NHS: variants seen among roughly 807,000 people sequenced by gnomAD.
NHS encodes the protein NHS actin remodeling regulator.
NHS carries 5 observed loss-of-function variants against 72.5 expected under a neutral mutation model. The ratio of observed to expected loss-of-function variants is 0.07; its 90% CI spans 0.04 to 0.14. The LOEUF is 0.14. Ranked by LOEUF, NHS falls within the 10% of genes least tolerant of loss-of-function variation. The pLI is 1.00. For synonymous variants in NHS, 464 were observed against 547.7 expected, an observed-to-expected ratio of 0.85 and a Z score of 2.13; for missense variants, 1,072 against 1,355.7, an observed-to-expected ratio of 0.79 and a Z score of 3.29.
At chrX:17,576,905 A>G (rs1327674901) in intron 1 of NHS, among the ~76,000 whole-genome samples, 1 of 112,007 alleles carries the variant, frequency 8.9e-6, no homozygotes, top group African/African-American at 3.2e-5. Flanking sequence ...TCTTCAAAGA[A>G]AACAAATAGT....
Position 17,430,447 on chromosome X carries a change from CTT to C in NHS, c.565+54127_565+54128del, listed in dbSNP as rs1332053536. On this transcript the variant is annotated intron_variant, in intron 1 of 8. Coordinates refer to ENST00000676302, the MANE Select transcript of NHS (RefSeq NM_001291867.2). ...TTCCTTCCTTTCTTTCTCTCTCTCT[CTT>C]TCTTTCCTTATTTATTGGGTGCTAA... Among the ~76,000 whole-genome samples, 42 of 94,556 alleles carry C rather than the reference CTT, an allele frequency of 4.4e-4. 1 individual carries two copies. Among genetic ancestry groups the C allele is most frequent in the Non-Finnish European group, 1.0e-4 (5 of 48,066 alleles). The allele number at this position is 94,556 out of a possible 115,157, so 82.1% of individuals were successfully genotyped here.
intron 1 of NHS, among the ~76,000 whole-genome samples, chrX:17,409,723 C>A (rs2064548096): frequency 9.0e-6 from 1 of 111,591 alleles, no homozygotes; most frequent in Non-Finnish European, 1.9e-5. Context: ...CCTAGAAGTG[C>A]CACATACCAC....
At chrX:17,585,580 G>A (rs2065570561) in intron 1 of NHS, among the ~76,000 whole-genome samples, 2 of 110,463 alleles carry the variant, frequency 1.8e-5, no homozygotes, top group Non-Finnish European at 3.8e-5. Context: ...AATAAGAGAG[G>A]AGAATACCTG....
chrX:17,446,847 T>A (rs1434754913), intron 1 of NHS, among the ~76,000 whole-genome samples: 1 of 112,124 alleles, frequency 8.9e-6, no homozygotes, highest in Non-Finnish European at 1.9e-5. Flanking sequence ...AGCAAGAATA[T>A]ATTTCTGTGT....
At chrX:17,432,361 G>GTCT (rs1184754261) in intron 1 of NHS, among the ~76,000 whole-genome samples, 2 of 112,528 alleles carry the variant, frequency 1.8e-5, no homozygotes, top group Non-Finnish European at 3.8e-5. Context: ...GCCTGAGTGT[G>GTCT]TCTTCCTTAC....
intron 1 of NHS, among the ~76,000 whole-genome samples, chrX:17,583,525 C>T (rs1569287512): frequency 8.9e-6 from 1 of 112,396 alleles, no homozygotes; most frequent in Non-Finnish European, 1.9e-5. Context: ...CCTTGAAATG[C>T]CCACCAGACG....
chrX:17,611,412 G>A (rs1280351995), intron 1 of NHS, among the ~76,000 whole-genome samples: 7 of 112,168 alleles, frequency 6.2e-5, no homozygotes, highest in Non-Finnish European at 1.3e-4. Context: ...CAAATCAGTG[G>A]ACAAAATGTG....
At chrX:17,470,576 T>C (rs950800178) in intron 1 of NHS, among the ~76,000 whole-genome samples, 1 of 111,942 alleles carries the variant, frequency 8.9e-6, no homozygotes, top group Non-Finnish European at 1.9e-5. Flanking sequence ...TAAGTACTAC[T>C]GGCCCTTATT....
chrX:17,568,295 C>T (rs1299639977), intron 1 of NHS, among the ~76,000 whole-genome samples: 1 of 111,931 alleles, frequency 8.9e-6, no homozygotes. Flanking sequence ...TTCCCCTCCA[C>T]GTGTGCTGGA....
At chrX:17,548,553 A>G (rs1261308740) in intron 1 of NHS, among the ~76,000 whole-genome samples, 2 of 111,532 alleles carry the variant, frequency 1.8e-5, no homozygotes, top group Non-Finnish European at 3.8e-5. Flanking sequence ...AACTAGGGCC[A>G]TGCATGTATG....
At chrX:17,381,909 C>T (rs1191931000) in intron 1 of NHS, among the ~76,000 whole-genome samples, 1 of 112,488 alleles carries the variant, frequency 8.9e-6, no homozygotes, top group Non-Finnish European at 1.9e-5. Flanking sequence ...CTGGTTGCTC[C>T]ACATCCTCAC....
rs1352012400 is a variant in NHS, at chrX:17,727,825, G to A, written c.3719G>A (p.Ser1240Asn). The A allele has an allele frequency of 2.5e-6, 3 of 1,211,854 alleles. No homozygotes were observed. Among genetic ancestry groups the A allele is most frequent in the Non-Finnish European group, 3.4e-6 (3 of 895,503 alleles). The change falls in exon 7 of 9, where the codon AGT becomes AAT. Residue 1240 changes from serine (S) to asparagine (N), a missense_variant. Physicochemically the swap from Ser to Asn is conservative, Grantham distance 46. Transcript: ENST00000676302. Reference protein sequence around the residue: ...DPETITSAGSSLLDSNVTKDQ... With the variant: ...DPETITSAGSNLLDSNVTKDQ... ...GAAACCATAACATCAGCTGGTAGCA[G>A]TCTTCTAGATTCAAATGTCACAAAA... is the stretch of plus-strand genomic sequence containing the variant.
chrX:17,447,481 G>A (rs778137024), intron 1 of NHS, among the ~76,000 whole-genome samples: 1 of 111,032 alleles, frequency 9.0e-6, no homozygotes, highest in South Asian at 3.8e-4. Flanking sequence ...AACTGAGGGC[G>A]AAAGGGACAG....
At chrX:17,417,601 C>T (rs2064602852) in intron 1 of NHS, among the ~76,000 whole-genome samples, 1 of 111,710 alleles carries the variant, frequency 9.0e-6, no homozygotes, top group Non-Finnish European at 1.9e-5. Flanking sequence ...ATATAAAATC[C>T]AAGTTTTTAG....
chrX:17,592,119 T>G (rs780810146), intron 1 of NHS, among the ~76,000 whole-genome samples: 4 of 111,984 alleles, frequency 3.6e-5, no homozygotes, highest in African/African-American at 9.7e-5. Flanking sequence ...CTCTGTCATT[T>G]TATTTAGGCA....
At chrX:17,677,626 G>T (rs370933857) in intron 1 of NHS, among the ~76,000 whole-genome samples, 5 of 111,087 alleles carry the variant, frequency 4.5e-5, no homozygotes, top group African/African-American at 1.6e-4. Context: ...ACAATCACAT[G>T]GAGAATGTGG....
At chrX:17,542,917 A>T (rs1215559909) in intron 1 of NHS, among the ~76,000 whole-genome samples, 3 of 112,337 alleles carry the variant, frequency 2.7e-5, no homozygotes, top group African/African-American at 9.7e-5. Flanking sequence ...AGTAAAGGAG[A>T]TATAAGTAAT....
intron 1 of NHS, among the ~76,000 whole-genome samples, chrX:17,384,546 T>C (rs2064395781): frequency 8.9e-6 from 1 of 112,360 alleles, no homozygotes; most frequent in Non-Finnish European, 1.9e-5. Context: ...ATTACTAAGA[T>C]GATAATGATA....
intron 1 of NHS, among the ~76,000 whole-genome samples, chrX:17,447,785 GCACACACACACA>G (rs58710651): frequency 1.2e-4 from 11 of 89,644 alleles, no homozygotes; most frequent in Non-Finnish European, 2.3e-4. Flanking sequence ...ACACACACAC[GCACACACACACA>G]CACACACACA....
Sources: allele counts gnomAD v4.1 joint callset (sites outside exome capture counted in the v4.1 genomes callset), GRCh38; gene constraint gnomAD v4.1.1; transcripts MANE v1.5; gene names NCBI Gene and HGNC (gene_info 2026-07-23, HGNC 2026-07-21).